Variants in ROR2 observed in about 807,000 individuals in gnomAD.
ROR2 encodes tyrosine-protein kinase transmembrane receptor ROR2.
In ROR2, 33 loss-of-function variants were observed where a neutral mutation model predicts 74.9. That is an observed-to-expected ratio of 0.44 (90% CI 0.33 to 0.59). ROR2 has a LOEUF of 0.59. ROR2 is among the 20% of genes least tolerant of loss of function. The probability of loss-of-function intolerance (pLI) is 0.02; values close to 1 mark genes in which losing one functional copy is unlikely to be tolerated. For missense variants in ROR2, 1,216 were observed against 1,313.8 expected (o/e 0.93, Z 1.15); for synonymous variants, 586 against 558.7 (o/e 1.05, Z -0.69).
intron 1 of ROR2, among the ~76,000 whole-genome samples, chr9:91,917,591 C>T (rs59469105): frequency 0.045 from 6,861 of 152,282 alleles, 503 homozygotes; most frequent in African/African-American, 0.15. Context: ...GGGCACCCAA[C>T]GTTGGCCAAC....
chr9:91,924,980 G>T (rs1012985563), intron 1 of ROR2, among the ~76,000 whole-genome samples: 1 of 151,878 alleles, frequency 6.6e-6, no homozygotes, highest in African/African-American at 2.4e-5. Flanking sequence ...AAGTAGCTGG[G>T]ATCACAGGCA....
At chr9:91,852,934 G>C (rs1210763419) in intron 1 of ROR2, among the ~76,000 whole-genome samples, 1 of 152,212 alleles carries the variant, frequency 6.6e-6, no homozygotes, top group Admixed American at 6.5e-5. Flanking sequence ...TGCCCCTCCT[G>C]CGTTCGCCAC....
intron 1 of ROR2, among the ~76,000 whole-genome samples, chr9:91,906,840 C>T (rs1186502645): frequency 6.6e-6 from 1 of 152,156 alleles, no homozygotes; most frequent in Non-Finnish European, 1.5e-5. Context: ...CTTTAGAGCG[C>T]CTAGAACTCA....
intron 2 of ROR2, among the ~76,000 whole-genome samples, chr9:91,759,806 TC>T (rs1408087488): frequency 2.6e-5 from 4 of 151,724 alleles, no homozygotes; most frequent in Non-Finnish European, 5.9e-5. Context: ...CAGGATAGAG[TC>T]TCACGGACAG....
At chr9:91,818,060 G>A (rs1299847008) in intron 1 of ROR2, among the ~76,000 whole-genome samples, 3 of 152,194 alleles carry the variant, frequency 2.0e-5, no homozygotes, top group Non-Finnish European at 2.9e-5. Flanking sequence ...TAAACTCCGT[G>A]TTTGTTTTTG....
chr9:91,732,108 G>A (rs1017989245), intron 6 of ROR2, among the ~76,000 whole-genome samples: 2 of 152,110 alleles, frequency 1.3e-5, no homozygotes, highest in African/African-American at 4.8e-5. Context: ...GCTGGTCCTG[G>A]TAAGGAGTCC....
intron 2 of ROR2, 98 bp downstream of exon 2, chr9:91,775,643 G>A (rs567751682): frequency 9.0e-7 from 1 of 1,117,008 alleles, no homozygotes; most frequent in Non-Finnish European, 1.4e-6. Context: ...AGGGGCCAGA[G>A]GACCCCCAGC....
chr9:91,738,387 G>T (rs2118733703), intron 4 of ROR2, among the ~76,000 whole-genome samples: 1 of 152,300 alleles, frequency 6.6e-6, no homozygotes, highest in African/African-American at 2.4e-5. Flanking sequence ...GGGTGAGGAT[G>T]ATTCTTGAGG....
intron 5 of ROR2, among the ~76,000 whole-genome samples, chr9:91,735,134 C>A (rs758108823): frequency 6.6e-6 from 1 of 152,186 alleles, no homozygotes; most frequent in Non-Finnish European, 1.5e-5. Context: ...TATAGGATTT[C>A]TCTTTCTCCT....
intron 2 of ROR2, among the ~76,000 whole-genome samples, chr9:91,768,548 C>A (rs1465352900): frequency 6.6e-6 from 1 of 152,158 alleles, no homozygotes; most frequent in Non-Finnish European, 1.5e-5. Context: ...GGAGGAAGAA[C>A]AATAGCCACT....
chr9:91,763,677 T>A (rs1484956355), intron 2 of ROR2, among the ~76,000 whole-genome samples: 1 of 152,266 alleles, frequency 6.6e-6, no homozygotes, highest in African/African-American at 2.4e-5. Context: ...ATTTTATATC[T>A]TTTTCCTTTT....
At chr9:91,910,650 T>C (rs1306995859) in intron 1 of ROR2, among the ~76,000 whole-genome samples, 1 of 150,688 alleles carries the variant, frequency 6.6e-6, no homozygotes, top group African/African-American at 2.5e-5. Context: ...TTTCATTAAA[T>C]ACATAAAATA....
chr9:91,888,816 A>G (rs1002941577), intron 1 of ROR2, among the ~76,000 whole-genome samples: 7 of 152,230 alleles, frequency 4.6e-5, no homozygotes, highest in Admixed American at 3.3e-4. Flanking sequence ...TGTGTCCTGC[A>G]CGGGAAGCAA....
chr9:91,809,271 T>C (rs1827669693), intron 1 of ROR2, among the ~76,000 whole-genome samples: 1 of 152,192 alleles, frequency 6.6e-6, no homozygotes, highest in Admixed American at 6.5e-5. Flanking sequence ...ATTTGCTCAA[T>C]GGGAGTGTCA....
intron 1 of ROR2, among the ~76,000 whole-genome samples, chr9:91,877,740 C>T (rs1351007709): frequency 6.6e-6 from 1 of 152,142 alleles, no homozygotes; most frequent in Non-Finnish European, 1.5e-5. Flanking sequence ...CTAAATTACA[C>T]TTATGCAAGC....
intron 1 of ROR2, among the ~76,000 whole-genome samples, chr9:91,831,672 G>A (rs1170175037): frequency 7.1e-6 from 1 of 141,170 alleles, no homozygotes; most frequent in East Asian, 2.3e-4. Context: ...CTACTTGGGA[G>A]GCTGAGGCAG....
intron 5 of ROR2, among the ~76,000 whole-genome samples, chr9:91,737,008 C>T (rs1419101043): frequency 6.6e-6 from 1 of 152,150 alleles, no homozygotes. Flanking sequence ...TCAGGAAGTA[C>T]AGAATGAGAA....
chr9:91,778,608 C>T (rs1390569171), intron 1 of ROR2, among the ~76,000 whole-genome samples: 1 of 152,166 alleles, frequency 6.6e-6, no homozygotes, highest in African/African-American at 2.4e-5. Context: ...ATTCATCTGT[C>T]CTGACTCTTC....
At chr9:91,944,928 T>A (rs1831973495) in intron 1 of ROR2, among the ~76,000 whole-genome samples, 1 of 152,140 alleles carries the variant, frequency 6.6e-6, no homozygotes, top group East Asian at 1.9e-4. Flanking sequence ...CGGTAGCGCG[T>A]GCCTGTGGTT....
Sources: gnomAD v4.1 joint callset for allele counts (sites outside exome capture counted in the v4.1 genomes callset) on GRCh38, gnomAD v4.1.1 for gene constraint, MANE v1.5 for transcripts, NCBI Gene and HGNC (gene_info 2026-07-23, HGNC 2026-07-21) for gene names.